Variants in STK39 observed in about 807,000 individuals in gnomAD.
The protein encoded by STK39 is serine/threonine kinase 39.
STK39 carries 20 observed loss-of-function variants against 77.8 expected under a neutral mutation model. The ratio of observed to expected loss-of-function variants is 0.26; its 90% CI spans 0.18 to 0.37. STK39 has a LOEUF of 0.37. STK39 is among the 10% of genes least tolerant of loss of function. The pLI, the probability that STK39 is intolerant of heterozygous loss-of-function variation, is 1.00. For synonymous variants in STK39, 246 were observed against 234.1 expected (o/e 1.05, Z -0.47); for missense variants, 479 against 656.5 (o/e 0.73, Z 2.95).
At chr2:167,985,074 G>A (rs1356184226) in intron 16 of STK39, among the ~76,000 whole-genome samples, 1 of 152,154 alleles carries the variant, frequency 6.6e-6, no homozygotes, top group African/African-American at 2.4e-5. Context: ...CTGCCTGCAT[G>A]GGGTATGGGT....
At chr2:168,068,286 A>G (rs1440413041) in intron 12 of STK39, among the ~76,000 whole-genome samples, 1 of 152,206 alleles carries the variant, frequency 6.6e-6, no homozygotes, top group Non-Finnish European at 1.5e-5. Context: ...CTAGGACAGG[A>G]TAAGAGAGGA....
intron 16 of STK39, among the ~76,000 whole-genome samples, chr2:168,002,981 T>C (rs959100014): frequency 6.6e-6 from 1 of 152,164 alleles, no homozygotes; most frequent in Non-Finnish European, 1.5e-5. Context: ...AATATCTTTA[T>C]TTATTTATTT....
At chr2:168,042,577 C>CTTTTTTTTTTTT (rs540413448) in intron 14 of STK39, among the ~76,000 whole-genome samples, 5 of 133,046 alleles carry the variant, frequency 3.8e-5, no homozygotes, top group African/African-American at 5.5e-5. Context: ...TTCCTTCCTT[C>CTTTTTTTTTTTT]TTTTTTTTTT....
At chr2:168,232,549 A>G (rs1049169909) in intron 1 of STK39, among the ~76,000 whole-genome samples, 4 of 152,222 alleles carry the variant, frequency 2.6e-5, no homozygotes, top group Admixed American at 2.6e-4. Context: ...CTCCTTTTCC[A>G]TAAAGACTGT....
intron 3 of STK39, among the ~76,000 whole-genome samples, chr2:168,165,793 A>C (rs1228440001): frequency 6.6e-6 from 1 of 151,910 alleles, no homozygotes; most frequent in Non-Finnish European, 1.5e-5. Context: ...TTTTTAAAAA[A>C]GGAAAACATT....
intron 17 of STK39, among the ~76,000 whole-genome samples, chr2:167,960,586 C>G (rs977824969): frequency 6.6e-6 from 1 of 152,072 alleles, no homozygotes; most frequent in Non-Finnish European, 1.5e-5. Flanking sequence ...ACATCATGCA[C>G]GCTCTTACTC....
At chr2:168,220,058 GTTCT>G (rs1274211254) in intron 1 of STK39, among the ~76,000 whole-genome samples, 1 of 152,022 alleles carries the variant, frequency 6.6e-6, no homozygotes, top group African/African-American at 2.4e-5. Context: ...AATCAAAGTT[GTTCT>G]TTAACAAATT....
intron 13 of STK39, 81 bp downstream of exon 13, chr2:168,065,238 G>T: frequency 6.8e-7 from 1 of 1,460,782 alleles, no homozygotes; most frequent in Non-Finnish European, 9.6e-7. Context: ...CCTTGAAATT[G>T]TCTATCTTTC....
intron 14 of STK39, among the ~76,000 whole-genome samples, chr2:168,024,143 C>T (rs1034446651): frequency 6.6e-6 from 1 of 152,140 alleles, no homozygotes; most frequent in Non-Finnish European, 1.5e-5. Flanking sequence ...AAACCAAAGT[C>T]CATCCCCACA....
chr2:168,088,738 G>A (rs746011427), intron 10 of STK39, among the ~76,000 whole-genome samples: 11 of 152,124 alleles, frequency 7.2e-5, no homozygotes, highest in African/African-American at 1.2e-4. Context: ...AGATATGTTC[G>A]TATATGCACA....
At chr2:168,053,739 C>T (rs1685454721) in intron 14 of STK39, among the ~76,000 whole-genome samples, 1 of 152,080 alleles carries the variant, frequency 6.6e-6, no homozygotes, top group African/African-American at 2.4e-5. Flanking sequence ...GCATGTTTAC[C>T]AGCAGAAGGA....
chr2:168,116,419 C>A (rs1341310853), intron 10 of STK39, among the ~76,000 whole-genome samples: 2 of 152,178 alleles, frequency 1.3e-5, no homozygotes, highest in East Asian at 1.9e-4. Context: ...TTAGAAAATT[C>A]TATATCAAAG....
intron 1 of STK39, among the ~76,000 whole-genome samples, chr2:168,202,458 T>C (rs1377590484): frequency 2.6e-5 from 4 of 152,114 alleles, no homozygotes; most frequent in African/African-American, 9.7e-5. Context: ...CTGAGAAAAC[T>C]AAGGCCCAAA....
intron 14 of STK39, among the ~76,000 whole-genome samples, chr2:168,027,331 T>A (rs1684724151): frequency 1.3e-5 from 2 of 152,210 alleles, no homozygotes; most frequent in Admixed American, 1.3e-4. Flanking sequence ...ACATTTAACT[T>A]ACTGCAAAAG....
intron 10 of STK39, among the ~76,000 whole-genome samples, chr2:168,126,305 A>G (rs1255710693): frequency 2.7e-5 from 4 of 150,482 alleles, no homozygotes; most frequent in South Asian, 4.5e-4. Flanking sequence ...CACAGTGAAG[A>G]GGAGAATGGC....
rs1289326148 is a variant in STK39, at chr2:168,247,327, G to A, written c.109C>T (p.Pro37Ser). Residue 37 changes from proline (P) to serine (S), a missense_variant, in exon 1 of 18, where the codon CCG becomes TCG. By Grantham distance (74) the Pro-to-Ser change is moderately conservative. Coordinates refer to ENST00000355999, the MANE Select transcript of STK39 (RefSeq NM_013233.3). ...GGGGCCGGGGCCGCGGGAGCTGCCG[G>A]GGCCGGCGCTGCTGTCGCGGCCGCC... is the stretch of plus-strand genomic sequence containing the variant. ...APAAATAAPA[P>S]AAPAAPAPAP... 1.8e-5 allele frequency: 18 copies of A among 982,688 alleles called. No homozygotes were observed. Among genetic ancestry groups the A allele is most frequent in the Non-Finnish European group, 1.9e-5 (15 of 810,050 alleles). The allele number at this position is 982,688 out of a possible 1,614,324, so 60.9% of individuals were successfully genotyped here. A position where few individuals can be genotyped will look rare whatever the true frequency, so the allele number is the denominator to read the frequency against.
intron 1 of STK39, among the ~76,000 whole-genome samples, chr2:168,183,119 G>A (rs1052344105): frequency 1.3e-5 from 2 of 152,136 alleles, no homozygotes; most frequent in African/African-American, 4.8e-5. Flanking sequence ...TTTCTAGTGC[G>A]AATCAGGGCT....
At position 168,065,391 on chromosome 2, in the gene STK39, G is replaced by C; in HGVS notation, c.1243-10C>G. The C allele has an allele frequency of 6.2e-7, 1 of 1,613,966 alleles. No homozygotes were observed. Reference sequence around the variant, plus strand: ...TGGCACTCACTGCAATCTGTTACGAGAGCCACCGTTACAGCATTCAAGAAA... The same window carrying C: ...TGGCACTCACTGCAATCTGTTACGACAGCCACCGTTACAGCATTCAAGAAA... On this transcript the variant is annotated splice_polypyrimidine_tract_variant and intron_variant, in intron 12 of 17. Coordinates refer to ENST00000355999, the MANE Select transcript of STK39 (RefSeq NM_013233.3).
intron 10 of STK39, among the ~76,000 whole-genome samples, chr2:168,123,568 A>G (rs1387523041): frequency 6.6e-6 from 1 of 152,152 alleles, no homozygotes; most frequent in Non-Finnish European, 1.5e-5. Context: ...AAATTATTTC[A>G]TAAGAAAAAG....
Sources: gnomAD v4.1 joint callset for allele counts (sites outside exome capture counted in the v4.1 genomes callset) on GRCh38, gnomAD v4.1.1 for gene constraint, MANE v1.5 for transcripts, NCBI Gene and HGNC (gene_info 2026-07-23, HGNC 2026-07-21) for gene names.